GALNT15: variants seen among roughly 807,000 people sequenced by gnomAD.
GALNT15 encodes the protein polypeptide N-acetylgalactosaminyltransferase 15, also known as UDP-GalNAc transferase T15.
In GALNT15, 67 loss-of-function variants were observed where a neutral mutation model predicts 66.8. The observed-to-expected ratio is 1.00, with a 90% CI of 0.82 to 1.23. The LOEUF (loss-of-function observed/expected upper bound fraction) is 1.23. GALNT15 is among the 50% of genes most tolerant of loss of function. The probability of loss-of-function intolerance (pLI) is 0.00; values close to 1 mark genes in which losing one functional copy is unlikely to be tolerated. For missense variants in GALNT15, 827 were observed against 804.3 expected, an observed-to-expected ratio of 1.03 and a Z score of -0.34; for synonymous variants, 313 against 311.5, an observed-to-expected ratio of 1.00 and a Z score of -0.05.
chr3:16,190,637 CAAA>C (rs34205852), intron 1 of GALNT15, among the ~76,000 whole-genome samples: 13 of 98,622 alleles, frequency 1.3e-4, no homozygotes, highest in Non-Finnish European at 1.0e-4. Context: ...GACTCCGTAT[CAAA>C]AAAAAAAAAA....
intron 2 of GALNT15, among the ~76,000 whole-genome samples, chr3:16,196,501 C>T (rs2063639348): frequency 2.0e-5 from 3 of 152,172 alleles, no homozygotes; most frequent in Admixed American, 6.5e-5. Flanking sequence ...TGCTTCCTCT[C>T]ACAGGAACCT....
chr3:16,204,113 C>G lies in GALNT15; in HGVS notation c.911+3290C>G, dbSNP rs866562404. ...CAGTGCAGTAAGCCACAAATCAGCT[C>G]TTTCAAAGAGCCGTAGCCTCCTCCA... On this transcript the variant is annotated intron_variant, in intron 3 of 9. Transcript: ENST00000339732. This position sits in a 1 kb window ranked among gnomAD's most constrained non-coding sequence, Gnocchi z 4.5. Among the ~76,000 whole-genome samples, 4 of 152,064 alleles carry G rather than the reference C, an allele frequency of 2.6e-5. No homozygotes were observed. Among genetic ancestry groups the G allele is most frequent in the Non-Finnish European group, 4.4e-5 (3 of 67,998 alleles).
At chr3:16,240,703 C>G in the GALNT15 span, among the ~76,000 whole-genome samples, 1 of 152,150 alleles carries the variant, frequency 6.6e-6, no homozygotes, top group African/African-American at 2.4e-5. Flanking sequence ...TGACTCCAAC[C>G]ATGAACCTCA....
chr3:16,236,264 A>T (rs1423727110), downstream of GALNT15, among the ~76,000 whole-genome samples: 1 of 152,204 alleles, frequency 6.6e-6, no homozygotes, highest in Admixed American at 6.5e-5. Context: ...TAGACTATGA[A>T]CTAGAGTGGG....
downstream of GALNT15, among the ~76,000 whole-genome samples, chr3:16,232,510 ATTTATT>A (rs1411206619): frequency 9.2e-3 from 642 of 70,014 alleles, 32 homozygotes; most frequent in African/African-American, 0.018. Context: ...ATATATATAT[ATTTATT>A]TAAAAGAGAC....
At chr3:16,232,746 G>C (rs536766689), downstream of GALNT15, among the ~76,000 whole-genome samples, 1 of 151,582 alleles carries the variant, frequency 6.6e-6, no homozygotes, top group South Asian at 2.1e-4. Context: ...CCTGGAGTGT[G>C]TGAGACAACC....
At position 16,224,908 on chromosome 3, in the gene GALNT15, A is replaced by G. The variant is rs2063989521; in HGVS notation, c.1773+2150A>G. ...TGCCTCGGCCTCCCAAAGTGCTGGG[A>G]TTACAAGTGTGAGCCACCACACCAG... On this transcript the variant is annotated intron_variant, in intron 9 of 9. Transcript: ENST00000339732. This position sits in a 1 kb window ranked among gnomAD's most constrained non-coding sequence, Gnocchi z 5.2. Among the ~76,000 whole-genome samples, 1 of 152,132 alleles carries G rather than the reference A, an allele frequency of 6.6e-6. No individual in the cohort carries two copies. Among genetic ancestry groups the G allele is most frequent in the Non-Finnish European group, 1.5e-5 (1 of 68,034 alleles).
chr3:16,240,646 T>C, the GALNT15 span, among the ~76,000 whole-genome samples: 15 of 152,330 alleles, frequency 9.8e-5, 1 homozygote, highest in Admixed American at 7.2e-4. Flanking sequence ...TATTGTGAAG[T>C]AATAATCCAC....
chr3:16,186,083 C>A lies in GALNT15; in HGVS notation c.540-9677C>A, dbSNP rs2063513955. 6.6e-6 allele frequency among the ~76,000 whole-genome samples: 1 copy of A among 152,080 alleles called. No homozygotes were observed. The highest frequency in any genetic ancestry group is 2.1e-4 in the South Asian group (1 of 4,828). ...ATTTGTATCCAAAATACAAAAAGAA[C>A]CCTTACAACCCAACAATTAAACAAC... On this transcript the variant is annotated intron_variant, in intron 1 of 9. Coordinates refer to ENST00000339732, the MANE Select transcript of GALNT15 (RefSeq NM_054110.5). This position sits in a 1 kb window ranked among gnomAD's most constrained non-coding sequence, Gnocchi z 5.1.
rs1241603279 is a variant in GALNT15, at chr3:16,181,756, C to T, written c.539+6066C>T. On this transcript the variant is annotated intron_variant, in intron 1 of 9. Transcript: ENST00000339732. This position sits in a 1 kb window ranked among gnomAD's most constrained non-coding sequence, Gnocchi z 5.9. ...CTGGGCTTGAGACCTGGGGCTGGAA[C>T]TTAGCTCAATTCCCCCCACAAGAGA... is the stretch of plus-strand genomic sequence containing the variant. 2.0e-5 allele frequency among the ~76,000 whole-genome samples: 3 copies of T among 152,176 alleles called. No homozygotes were observed. The highest frequency in any genetic ancestry group is 3.9e-4 in the East Asian group (2 of 5,178).
downstream of GALNT15, among the ~76,000 whole-genome samples, chr3:16,235,387 C>A (rs945118508): frequency 4.6e-5 from 7 of 152,122 alleles, no homozygotes; most frequent in Non-Finnish European, 1.0e-4. Flanking sequence ...AAAAATGTTC[C>A]CCCTCATATT....
chr3:16,218,292 C>T (rs187246452), intron 6 of GALNT15, among the ~76,000 whole-genome samples: 4 of 152,284 alleles, frequency 2.6e-5, no homozygotes, highest in African/African-American at 7.2e-5. Context: ...AGATTGGAGG[C>T]CACCAAGTGG....
chr3:16,178,244 C>G (rs534079089), intron 1 of GALNT15, among the ~76,000 whole-genome samples: 1 of 152,148 alleles, frequency 6.6e-6, no homozygotes, highest in Non-Finnish European at 1.5e-5. Context: ...TTGCGTGGTG[C>G]AAGTGTGGGT....
At chr3:16,210,012 G>A (rs901721549) in intron 4 of GALNT15, among the ~76,000 whole-genome samples, 7 of 152,150 alleles carry the variant, frequency 4.6e-5, no homozygotes, top group Admixed American at 6.5e-5. Flanking sequence ...TGTGGTATAC[G>A]ATGTATGTCC....
chr3:16,246,039 C>A, the GALNT15 span, among the ~76,000 whole-genome samples: 1 of 152,140 alleles, frequency 6.6e-6, no homozygotes, highest in Non-Finnish European at 1.5e-5. Context: ...AGCTATCTGG[C>A]CTTCAGCTTT....
intron 8 of GALNT15, 149 bp downstream of exon 8, chr3:16,220,163 A>ACTCATCACAGCTCTCCTCAC: frequency 1.5e-6 from 1 of 667,056 alleles, no homozygotes; most frequent in Non-Finnish European, 2.7e-6. Context: ...CACTGTAATG[A>ACTCATCACAGCTCTCCTCAC]CTCATCACAG....
Position 16,189,237 on chromosome 3 carries a change from A to G in GALNT15, c.540-6523A>G, listed in dbSNP as rs2063550350. On this transcript the variant is annotated intron_variant, in intron 1 of 9. Transcript: ENST00000339732. The surrounding 1 kb of genome is among the most constrained non-coding windows in gnomAD (Gnocchi z 5.1). The stretch of plus-strand genomic sequence containing the variant: ...CCAACAGGGGATCTAGCTGAACTCC[A>G]ATCACCCACCTGGCCTCCTTTGCCT... Among the ~76,000 whole-genome samples the G allele has an allele frequency of 6.6e-6, 1 of 152,164 alleles. No individual in the cohort carries two copies. The highest frequency in any genetic ancestry group is 1.9e-4 in the East Asian group (1 of 5,192).
chr3:16,222,781 G>C, intron 9 of GALNT15, 23 bp downstream of exon 9: 2 of 1,611,656 alleles, frequency 1.2e-6, no homozygotes, highest in Non-Finnish European at 1.7e-6. Context: ...TTCAGGAAGA[G>C]CCTGGTAGTG....
At chr3:16,237,755 G>A in the GALNT15 span, among the ~76,000 whole-genome samples, 4 of 152,284 alleles carry the variant, frequency 2.6e-5, no homozygotes, top group Non-Finnish European at 4.4e-5. This position sits in a 1 kb window ranked among gnomAD's most constrained non-coding sequence, Gnocchi z 4.2. Flanking sequence ...CTCTCCTTGG[G>A]AGGCCCTGGC....
Sources: gnomAD v4.1 joint callset for allele counts (sites outside exome capture counted in the v4.1 genomes callset) on GRCh38, gnomAD v4.1.1 for gene constraint, Gnocchi (gnomAD v3.1) non-coding constraint, MANE v1.5 for transcripts, NCBI Gene and HGNC (gene_info 2026-07-23, HGNC 2026-07-21) for gene names.